The following TBC1D22A variants were observed in gnomAD, a reference collection of about 807,000 sequenced individuals.
TBC1D22A encodes putative GTPase activator.
TBC1D22A carries 38 observed loss-of-function variants against 60.2 expected under a neutral mutation model. The ratio of observed to expected loss-of-function variants is 0.63; its 90% confidence interval spans 0.49 to 0.83. The LOEUF (loss-of-function observed/expected upper bound fraction) is 0.83, where lower values mean the gene tolerates loss of function less well. Among genes scored for constraint, TBC1D22A ranks in the 40% least tolerant of loss-of-function variants. TBC1D22A has a pLI of 0.00. For missense variants in TBC1D22A, 628 were observed against 701.0 expected, an observed-to-expected ratio of 0.90 and a Z score of 1.18; for synonymous variants, 302 against 281.7, an observed-to-expected ratio of 1.07 and a Z score of -0.72.
intron 11 of TBC1D22A, among the ~76,000 whole-genome samples, chr22:47,057,997 C>T (rs770665935): frequency 1.3e-5 from 2 of 152,230 alleles, no homozygotes; most frequent in Non-Finnish European, 2.9e-5. Flanking sequence ...GTCATTGCTA[C>T]TGTGTGGCAC....
intron 9 of TBC1D22A, among the ~76,000 whole-genome samples, chr22:46,994,302 A>G (rs1047195990): frequency 6.6e-6 from 1 of 152,224 alleles, no homozygotes; most frequent in Non-Finnish European, 1.5e-5. Flanking sequence ...CCCAGGACCC[A>G]TCAGGCTCAC....
chr22:46,765,957 ATGTGTGTG>A (rs747869318), intron 1 of TBC1D22A, among the ~76,000 whole-genome samples: 45,995 of 128,456 alleles, frequency 0.36, 8,461 homozygotes, highest in Middle Eastern at 0.5. Context: ...CAGCTAATTT[ATGTGTGTG>A]TGTGTGTGTG....
At chr22:46,881,374 A>G (rs131875) in intron 5 of TBC1D22A, among the ~76,000 whole-genome samples, 79,965 of 152,042 alleles carry the variant, frequency 0.53, 23,147 homozygotes, top group Middle Eastern at 0.73. Context: ...AACAGATAGT[A>G]GAAGGCCTGC....
In TBC1D22A at chr22:46,909,209, G is replaced by A. The variant is rs971538325; in HGVS notation, c.901-2865G>A. Among the ~76,000 whole-genome samples, 8 of 152,118 alleles carry A rather than the reference G, an allele frequency of 5.3e-5. No individual in the cohort carries two copies. In the East Asian group the frequency reaches 5.8e-4, roughly 11 times the overall value. On this transcript the variant is annotated intron_variant, in intron 7 of 12. Transcript: ENST00000337137. ...AGTGTGTGTTTGTGTGTGTGTGTGCGTGCATGTGTGAGACAGGCCCTCTGA... is the reference window on the plus strand; with the variant it reads ...AGTGTGTGTTTGTGTGTGTGTGTGCATGCATGTGTGAGACAGGCCCTCTGA...
At chr22:47,015,142 T>C (rs2061865841) in intron 10 of TBC1D22A, among the ~76,000 whole-genome samples, 1 of 152,014 alleles carries the variant, frequency 6.6e-6, no homozygotes, top group Non-Finnish European at 1.5e-5. Context: ...ACCGTCGGAG[T>C]CACACATCGC....
intron 4 of TBC1D22A, among the ~76,000 whole-genome samples, chr22:46,875,110 G>A (rs2067490366): frequency 6.6e-6 from 1 of 152,184 alleles, no homozygotes; most frequent in Non-Finnish European, 1.5e-5. Flanking sequence ...ATCCACAAGA[G>A]CGTTCATCGC....
intron 9 of TBC1D22A, among the ~76,000 whole-genome samples, chr22:46,988,392 C>A (rs922862762): frequency 4.6e-5 from 7 of 152,232 alleles, no homozygotes; most frequent in African/African-American, 1.7e-4. Flanking sequence ...GTGGGCTTTG[C>A]CCAGTTCATC....
chr22:46,935,266 G>A (rs1424020968), intron 8 of TBC1D22A, among the ~76,000 whole-genome samples: 1 of 152,202 alleles, frequency 6.6e-6, no homozygotes, highest in Non-Finnish European at 1.5e-5. Flanking sequence ...CTGGGACGAA[G>A]CCCCTGTATT....
At chr22:46,952,486 G>A (rs1409114213) in intron 8 of TBC1D22A, among the ~76,000 whole-genome samples, 4 of 152,174 alleles carry the variant, frequency 2.6e-5, no homozygotes, top group African/African-American at 9.7e-5. Flanking sequence ...ATCTCTGTAC[G>A]TTTTTCTGGA....
At chr22:46,802,291 C>T (rs1019610518) in intron 4 of TBC1D22A, among the ~76,000 whole-genome samples, 1 of 152,214 alleles carries the variant, frequency 6.6e-6, no homozygotes, top group Non-Finnish European at 1.5e-5. Flanking sequence ...GGAGCTCGCT[C>T]AGTACCCCCG....
chr22:46,906,493 A>G (rs2069476804), intron 7 of TBC1D22A, among the ~76,000 whole-genome samples: 1 of 152,238 alleles, frequency 6.6e-6, no homozygotes, highest in South Asian at 2.1e-4. Flanking sequence ...TCAGCAGGAA[A>G]GACGCTCAGG....
intron 4 of TBC1D22A, among the ~76,000 whole-genome samples, chr22:46,852,221 G>T (rs545145739): frequency 2.6e-5 from 4 of 152,222 alleles, no homozygotes; most frequent in Non-Finnish European, 5.9e-5. Flanking sequence ...AGTGAATGAG[G>T]GAAATACAGA....
chr22:47,134,521 T>C (rs768207600), intron 12 of TBC1D22A, among the ~76,000 whole-genome samples: 55 of 152,310 alleles, frequency 3.6e-4, no homozygotes, highest in Non-Finnish European at 6.8e-4. Context: ...GCAGCGAAAC[T>C]TGGAGAGACA....
At chr22:47,039,680 C>T (rs2062771271) in intron 11 of TBC1D22A, among the ~76,000 whole-genome samples, 1 of 146,514 alleles carries the variant, frequency 6.8e-6, no homozygotes, top group South Asian at 2.2e-4. Flanking sequence ...GTCGCGTGCT[C>T]CCTCATGGAT....
intron 11 of TBC1D22A, among the ~76,000 whole-genome samples, chr22:47,055,895 CGGTGAGATACGCCACTGAGGGTT>C (rs1245663061): frequency 2.8e-4 from 42 of 151,698 alleles, no homozygotes; most frequent in South Asian, 1.0e-3. Flanking sequence ...CACTGAGGGT[CGGTGAGATACGCCACTGAGGGTT>C]GGTGAGATAC....
rs185167358 is a variant in TBC1D22A, at chr22:47,119,518, A to G, written c.1425+7915A>G. 8.4e-3 allele frequency among the ~76,000 whole-genome samples: 1,233 copies of G among 147,500 alleles called. 10 individuals are homozygous for G. The highest frequency in any genetic ancestry group is 0.011 in the Non-Finnish European group (724 of 67,418). On this transcript the variant is annotated intron_variant, in intron 12 of 12. Coordinates refer to ENST00000337137, the MANE Select transcript of TBC1D22A (RefSeq NM_014346.5). ...GGGTAATTTTTTTTTTTTTTTTGAG[A>G]CGAAGTCTCACACTGTCACCCGGGC...
chr22:47,171,940 G>A (rs538635808), intron 12 of TBC1D22A, among the ~76,000 whole-genome samples: 3 of 118,858 alleles, frequency 2.5e-5, no homozygotes, highest in South Asian at 5.2e-4. Context: ...CCAGCTGCAG[G>A]CCAGAGGAGC....
chr22:46,799,915 T>C (rs1450374948), intron 4 of TBC1D22A, among the ~76,000 whole-genome samples: 1 of 152,250 alleles, frequency 6.6e-6, no homozygotes, highest in Non-Finnish European at 1.5e-5. Context: ...CTGCCAGCTC[T>C]TTCCACTGAA....
intron 8 of TBC1D22A, chr22:46,914,546 C>T (rs1351075776): frequency 6.6e-6 from 1 of 151,976 alleles, no homozygotes; most frequent in African/African-American, 2.4e-5. Context: ...TTAGTACAGT[C>T]CAAGTCCGCC....
Sources: allele counts gnomAD v4.1 joint callset (sites outside exome capture counted in the v4.1 genomes callset), GRCh38; gene constraint gnomAD v4.1.1; transcripts MANE v1.5; gene names NCBI Gene and HGNC (gene_info 2026-07-23, HGNC 2026-07-21).